Variants in SGIP1 observed in about 807,000 individuals in gnomAD.
The protein encoded by SGIP1 is SH3-containing GRB2-like protein 3-interacting protein 1.
Under a neutral mutation model 107.5 loss-of-function variants are expected in SGIP1, and 38 were observed. The ratio of observed to expected loss-of-function variants is 0.35; its 90% CI spans 0.27 to 0.46. SGIP1 has a LOEUF of 0.46. Ranked by LOEUF, SGIP1 falls within the 20% of genes least tolerant of loss-of-function variation. The pLI is 1.00. For synonymous variants in SGIP1, 365 were observed against 366.1 expected (o/e 1.00, Z 0.03); for missense variants, 929 against 1,019.5 (o/e 0.91, Z 1.21).
At chr1:66,569,038 G>T (rs1193427201) in intron 1 of SGIP1, among the ~76,000 whole-genome samples, 3 of 151,892 alleles carry the variant, frequency 2.0e-5, no homozygotes, top group Admixed American at 6.6e-5. Context: ...ATTCAAACTG[G>T]TTAAATAAGA....
At chr1:66,590,077 A>G (rs2063374827) in intron 1 of SGIP1, among the ~76,000 whole-genome samples, 1 of 152,186 alleles carries the variant, frequency 6.6e-6, no homozygotes, top group African/African-American at 2.4e-5. Flanking sequence ...TGCATCCCCT[A>G]CAACCACCAC....
rs749240200 is a variant in SGIP1, at chr1:66,682,241, C to A, written c.1187C>A (p.Thr396Lys). Residue 396 changes from threonine to lysine, a missense_variant, in exon 15 of 25, where the codon ACA becomes AAA. By Grantham distance (78) the Thr-to-Lys change is moderately conservative (BLOSUM62 -1). Transcript: ENST00000371037. ...TTCATTAAAGATGATTACTTAGAAA[C>A]AATCTCATCTCCTAAAGATTTTGGG... ...QTFIKDDYLE[T>K]ISSPKDFGLG... 27 of 1,614,108 alleles carry A rather than the reference C, an allele frequency of 1.7e-5. No homozygotes were observed. In the East Asian group the frequency reaches 3.3e-4, roughly 20 times the overall value.
intron 22 of SGIP1, among the ~76,000 whole-genome samples, chr1:66,739,883 G>C (rs1275521318): frequency 2.0e-5 from 3 of 152,178 alleles, no homozygotes; most frequent in African/African-American, 7.2e-5. Flanking sequence ...TCCGATCCTA[G>C]GACCAGCAAG....
intron 1 of SGIP1, among the ~76,000 whole-genome samples, chr1:66,545,741 A>G (rs1268741467): frequency 6.6e-6 from 1 of 151,846 alleles, no homozygotes; most frequent in Non-Finnish European, 1.5e-5. Context: ...GGGGACTGGC[A>G]TGGCAGGTCC....
At chr1:66,539,587 C>T (rs2054407968) in intron 1 of SGIP1, among the ~76,000 whole-genome samples, 1 of 152,182 alleles carries the variant, frequency 6.6e-6, no homozygotes, top group African/African-American at 2.4e-5. Context: ...CTACAAGACC[C>T]TGCATGCTCT....
chr1:66,626,873 A>G (rs1340304078), intron 2 of SGIP1, among the ~76,000 whole-genome samples: 3 of 152,288 alleles, frequency 2.0e-5, no homozygotes, highest in African/African-American at 7.2e-5. Flanking sequence ...CAACAGTTGT[A>G]TGGGCACAGG....
chr1:66,695,255 TAAA>T (rs570067011), intron 17 of SGIP1, 176 bp from the exon 18 acceptor site: 1,284 of 946,480 alleles, frequency 1.4e-3, no homozygotes, highest in South Asian at 2.1e-3. Context: ...TTTCCTGAAC[TAAA>T]AAAAAAAAAA....
At chr1:66,578,085 C>G (rs2061328082) in intron 1 of SGIP1, among the ~76,000 whole-genome samples, 1 of 152,020 alleles carries the variant, frequency 6.6e-6, no homozygotes, top group Non-Finnish European at 1.5e-5. Context: ...TAATTTTTTT[C>G]CATTTTTAGA....
At chr1:66,720,247 A>G (rs1256094827) in intron 19 of SGIP1, among the ~76,000 whole-genome samples, 1 of 151,762 alleles carries the variant, frequency 6.6e-6, no homozygotes, top group Non-Finnish European at 1.5e-5. Context: ...CCAAAAAAAG[A>G]TTAAAAGTGA....
intron 15 of SGIP1, among the ~76,000 whole-genome samples, chr1:66,685,340 A>C (rs1388943971): frequency 6.6e-6 from 1 of 152,224 alleles, no homozygotes; most frequent in Admixed American, 6.5e-5. Context: ...GAAGTTAAGA[A>C]TTTGCTCCAA....
intron 8 of SGIP1, among the ~76,000 whole-genome samples, chr1:66,662,167 C>G (rs571017669): frequency 2.0e-4 from 30 of 152,288 alleles, no homozygotes; most frequent in African/African-American, 7.0e-4. Context: ...TAGGAATCCT[C>G]GTAGGAATCT....
At chr1:66,676,768 T>G (rs926162644) in intron 12 of SGIP1, among the ~76,000 whole-genome samples, 5 of 152,048 alleles carry the variant, frequency 3.3e-5, no homozygotes, top group Non-Finnish European at 7.4e-5. Context: ...TCTGAAAGTT[T>G]TTATGTAGCT....
At chr1:66,568,878 T>C (rs1460373850) in intron 1 of SGIP1, among the ~76,000 whole-genome samples, 1 of 151,948 alleles carries the variant, frequency 6.6e-6, no homozygotes, top group African/African-American at 2.4e-5. Flanking sequence ...TATTTTTTAG[T>C]AATAGTATCC....
chr1:66,614,880 C>T (rs1051968385), intron 1 of SGIP1, among the ~76,000 whole-genome samples: 10 of 120,152 alleles, frequency 8.3e-5, no homozygotes, highest in Admixed American at 5.5e-4. Flanking sequence ...AGTGCAGTGG[C>T]GTGATCTCAG....
At chr1:66,621,313 C>T (rs1256713966) in intron 1 of SGIP1, among the ~76,000 whole-genome samples, 1 of 152,192 alleles carries the variant, frequency 6.6e-6, no homozygotes, top group Non-Finnish European at 1.5e-5. Flanking sequence ...AAAGCAGTAA[C>T]ATGTGCCACA....
Position 66,747,574 on chromosome 1 carries a change from T to C in SGIP1, c.*4479T>C, listed in dbSNP as rs1322546594. ...TATTCAAATACAAAATCCTAATCAA[T>C]GTTTCCTTCTTTGCAAGGGACATTC... On this transcript the variant is annotated 3_prime_UTR_variant, in exon 25 of 25. Transcript: ENST00000371037. 2.6e-5 allele frequency: 4 copies of C among 152,028 alleles called. No individual in the cohort carries two copies. The highest frequency in any genetic ancestry group is 1.3e-4 in the Admixed American group (2 of 15,262). 9.4% of individuals were successfully genotyped at this position (152,028 alleles called of 1,614,324 possible). A position where few individuals can be genotyped will look rare whatever the true frequency, so the allele number is the denominator to read the frequency against.
chr1:66,553,125 G>A (rs767136601), intron 1 of SGIP1, among the ~76,000 whole-genome samples: 2 of 152,260 alleles, frequency 1.3e-5, no homozygotes, highest in African/African-American at 2.4e-5. Flanking sequence ...GGTTGAACTG[G>A]GTCTTGCAGT....
intron 18 of SGIP1, 103 bp from the exon 19 acceptor site, chr1:66,719,191 A>C: frequency 1.5e-6 from 1 of 662,436 alleles, no homozygotes; most frequent in Non-Finnish European, 2.6e-6. Context: ...TTTTACATTA[A>C]GGGGTAGATT....
chr1:66,695,503 G>T lies in SGIP1; in HGVS notation c.1630+10G>T. 6.2e-7 allele frequency: 1 copy of T among 1,613,174 alleles called. No individual in the cohort carries two copies. The highest frequency in any genetic ancestry group is 8.5e-7 in the Non-Finnish European group (1 of 1,179,314). ...TATTTGACTTTTGAAGGTAAGTAGT[G>T]CATAGCATACCAGATTCTAATTTAT... On this transcript the variant is annotated intron_variant, in intron 18 of 24. Coordinates refer to ENST00000371037, the MANE Select transcript of SGIP1 (RefSeq NM_032291.4).
Sources: gnomAD v4.1 joint callset for allele counts (sites outside exome capture counted in the v4.1 genomes callset) on GRCh38, gnomAD v4.1.1 for gene constraint, MANE v1.5 for transcripts, NCBI Gene and HGNC (gene_info 2026-07-23, HGNC 2026-07-21) for gene names.